Variants in GPBP1 observed in about 807,000 individuals in gnomAD.
The protein encoded by GPBP1 is GC-rich promoter binding protein 1.
In GPBP1, 13 loss-of-function variants were observed where a neutral mutation model predicts 56.5. The ratio of observed to expected loss-of-function variants is 0.23; its 90% CI spans 0.15 to 0.37. The LOEUF is 0.37. Among genes scored for constraint, GPBP1 ranks in the 10% least tolerant of loss-of-function variants. The pLI, the probability that GPBP1 is intolerant of heterozygous loss-of-function variation, is 1.00. For missense variants in GPBP1, 477 were observed against 572.3 expected (o/e 0.83, Z 1.70); for synonymous variants, 204 against 188.9 (o/e 1.08, Z -0.66).
At chr5:57,189,974 T>A (rs1196880941) in intron 2 of GPBP1, among the ~76,000 whole-genome samples, 1 of 152,170 alleles carries the variant, frequency 6.6e-6, no homozygotes, top group Non-Finnish European at 1.5e-5. Flanking sequence ...ATACTTTGAT[T>A]TCTCTTATTA....
rs923372380 is a variant in GPBP1 at position 57,264,161 on chromosome 5, A to G, written c.*1409A>G. The G allele has an allele frequency of 2.3e-4, 35 of 152,286 alleles. No individual in the cohort carries two copies. The highest frequency in any genetic ancestry group is 8.2e-4 in the African/African-American group (34 of 41,584). The allele number at this position is 152,286 out of a possible 1,614,324, so 9.4% of individuals were successfully genotyped here. On this transcript the variant is annotated 3_prime_UTR_variant, in exon 12 of 12. Transcript: ENST00000506184. ...AGACTGATGGTGATGGGGAAATTAA[A>G]AACAACACACTAGCACACTCCCACA...
Position 57,226,726 on chromosome 5 carries a change from ATTCTTTTTTTTT to A in GPBP1, c.64-4117_64-4106del, listed in dbSNP as rs1333909887. ...GCCACCAAGCCTGGCTAATTTTTGT[ATTCTTTTTTTTT>A]TTTTTTTTTTTTTTTTTTTGAGACA... On this transcript the variant is annotated intron_variant, in intron 3 of 11. Transcript: ENST00000506184. 2.7e-3 allele frequency among the ~76,000 whole-genome samples: 126 copies of A among 46,328 alleles called. 1 individual carries two copies. Among genetic ancestry groups the A allele is most frequent in the African/African-American group, 4.9e-3 (55 of 11,124 alleles). The allele number at this position is 46,328 out of a possible 152,430, so 30.4% of individuals were successfully genotyped here.
chr5:57,191,042 C>G (rs183152203), intron 2 of GPBP1, among the ~76,000 whole-genome samples: 148 of 152,042 alleles, frequency 9.7e-4, no homozygotes, highest in African/African-American at 3.4e-3. Flanking sequence ...TCCCCAAGTG[C>G]TGGGGTTACA....
At chr5:57,227,898 A>G (rs1041415012) in intron 3 of GPBP1, among the ~76,000 whole-genome samples, 1 of 152,326 alleles carries the variant, frequency 6.6e-6, no homozygotes, top group East Asian at 1.9e-4. Flanking sequence ...AACAGGTAAC[A>G]GGACTAAAGG....
intron 5 of GPBP1, among the ~76,000 whole-genome samples, chr5:57,234,456 GGC>G (rs1756585065): frequency 6.6e-6 from 1 of 152,158 alleles, no homozygotes; most frequent in Non-Finnish European, 1.5e-5. Context: ...TAAGAATTGG[GGC>G]TGGGTTCAGT....
At chr5:57,185,144 C>G (rs1430584471) in intron 2 of GPBP1, among the ~76,000 whole-genome samples, 1 of 152,144 alleles carries the variant, frequency 6.6e-6, no homozygotes, top group Non-Finnish European at 1.5e-5. Context: ...ATGAAAATCC[C>G]TAGCAGAACT....
intron 2 of GPBP1, among the ~76,000 whole-genome samples, chr5:57,190,241 A>G (rs1754461842): frequency 6.6e-6 from 1 of 151,370 alleles, no homozygotes; most frequent in African/African-American, 2.4e-5. Flanking sequence ...GACTAGGTGG[A>G]ATTTGTTATT....
chr5:57,200,211 T>A (rs1754951154), intron 2 of GPBP1, among the ~76,000 whole-genome samples: 3 of 147,820 alleles, frequency 2.0e-5, no homozygotes, highest in Non-Finnish European at 4.5e-5. Flanking sequence ...ATTATGCTGC[T>A]GGCCAAGGCA....
chr5:57,205,085 C>CT (rs1205692131), intron 2 of GPBP1, among the ~76,000 whole-genome samples: 1 of 152,170 alleles, frequency 6.6e-6, no homozygotes, highest in African/African-American at 2.4e-5. Context: ...CAAAAGAAAA[C>CT]TGTCTCTAAG....
intron 10 of GPBP1, among the ~76,000 whole-genome samples, chr5:57,251,575 CTTTTT>C (rs201993755): frequency 2.3e-5 from 3 of 133,278 alleles, no homozygotes; most frequent in Non-Finnish European, 3.3e-5. Context: ...GTTTCCACCT[CTTTTT>C]TTTTTTTTTT....
intron 2 of GPBP1, among the ~76,000 whole-genome samples, chr5:57,204,536 G>A (rs181549317): frequency 1.3e-5 from 2 of 152,276 alleles, no homozygotes; most frequent in African/African-American, 2.4e-5. Flanking sequence ...ATAGGCATGA[G>A]CCACTTTGCC....
intron 10 of GPBP1, among the ~76,000 whole-genome samples, chr5:57,252,311 A>G (rs942004775): frequency 6.6e-6 from 1 of 151,692 alleles, no homozygotes; most frequent in Non-Finnish European, 1.5e-5. Context: ...TTTTCCTTGT[A>G]TGGTTTATGC....
chr5:57,196,595 T>G (rs1461619316), intron 2 of GPBP1, among the ~76,000 whole-genome samples: 1 of 152,054 alleles, frequency 6.6e-6, no homozygotes, highest in East Asian at 1.9e-4. Flanking sequence ...ATTTATTTAT[T>G]TATTTATTTT....
chr5:57,237,009 T>C lies in GPBP1; in HGVS notation c.478+977T>C. 3 of 667,534 alleles carry C rather than the reference T, an allele frequency of 4.5e-6. No individual in the cohort carries two copies. In the South Asian group the frequency reaches 4.7e-5, roughly 11 times the overall value. 41.4% of individuals were successfully genotyped at this position (667,534 alleles called of 1,614,324 possible). A position where few individuals can be genotyped will look rare whatever the true frequency, so the allele number is the denominator to read the frequency against. ...TTGATCTTCCTCTTTATTTAAGGGC[T>C]TTTTGAGGGTGGGGGTGGGGGTGGT... is the stretch of plus-strand genomic sequence containing the variant. On this transcript the variant is annotated intron_variant, in intron 6 of 11. Coordinates refer to ENST00000506184, the MANE Select transcript of GPBP1 (RefSeq NM_022913.4).
intron 10 of GPBP1, among the ~76,000 whole-genome samples, chr5:57,255,038 A>T (rs1191873493): frequency 1.3e-5 from 2 of 152,254 alleles, no homozygotes; most frequent in African/African-American, 4.8e-5. Flanking sequence ...AAAAAGATTA[A>T]CATAAACAGA....
rs181931946 is a variant in GPBP1, at chr5:57,215,108, T to C, written c.63+915T>C. Among the ~76,000 whole-genome samples the C allele has an allele frequency of 4.6e-5, 7 of 152,364 alleles. No homozygotes were observed. The East Asian group carries it at 7.7e-4, about 17-fold the overall frequency. On this transcript the variant is annotated intron_variant, in intron 3 of 11. Transcript: ENST00000506184. ...CTTTGAACAGAGCATCTTACCTTTT[T>C]CTATACTGTTTTTTACTCTTACATG...
intron 2 of GPBP1, among the ~76,000 whole-genome samples, chr5:57,205,866 C>T (rs1303425368): frequency 3.9e-5 from 6 of 152,146 alleles, no homozygotes; most frequent in African/African-American, 9.7e-5. Flanking sequence ...TGGTCACAGG[C>T]GATCCTCCCA....
chr5:57,219,423 A>ACAAAAC (rs200698887), intron 3 of GPBP1, among the ~76,000 whole-genome samples: 4 of 142,036 alleles, frequency 2.8e-5, no homozygotes, highest in African/African-American at 1.2e-4. Flanking sequence ...AACAAACAAA[A>ACAAAAC]AAAAAAACAA....
chr5:57,179,257 A>G (rs904928585), intron 2 of GPBP1, among the ~76,000 whole-genome samples: 2 of 152,102 alleles, frequency 1.3e-5, no homozygotes, highest in African/African-American at 4.8e-5. Flanking sequence ...TTGATTACAG[A>G]CTGCTAATGG....
Sources: gnomAD v4.1 joint callset for allele counts (sites outside exome capture counted in the v4.1 genomes callset) on GRCh38, gnomAD v4.1.1 for gene constraint, MANE v1.5 for transcripts, NCBI Gene and HGNC (gene_info 2026-07-23, HGNC 2026-07-21) for gene names.